The following MS4A13 variants were observed in gnomAD, a reference collection of about 807,000 sequenced individuals.
MS4A13 encodes membrane spanning 4-domains A13.
A neutral mutation model predicts 18.4 loss-of-function variants in MS4A13; 21 were observed. The ratio of observed to expected loss-of-function variants is 1.14; its 90% confidence interval spans 0.81 to 1.64. MS4A13 has a LOEUF of 1.64. Ranked by LOEUF, MS4A13 falls within the 40% of genes most tolerant of loss-of-function variation. The pLI is 0.00. For synonymous variants in MS4A13, 62 were observed against 57.2 expected (o/e 1.08, Z -0.38); for missense variants, 173 against 176.8 (o/e 0.98, Z 0.12).
chr11:60,526,327 T>C (rs1326418772), intron 5 of MS4A13, among the ~76,000 whole-genome samples: 2 of 152,210 alleles, frequency 1.3e-5, no homozygotes, highest in East Asian at 1.9e-4. Flanking sequence ...TTAGTTCTAA[T>C]TTTGAGGGCA....
At chr11:60,523,362 A>G (rs1227568790) in intron 3 of MS4A13, among the ~76,000 whole-genome samples, 6 of 152,208 alleles carry the variant, frequency 3.9e-5, no homozygotes, top group Non-Finnish European at 8.8e-5. Flanking sequence ...ACATGAAATA[A>G]TGGAACCTCT....
intron 5 of MS4A13, among the ~76,000 whole-genome samples, chr11:60,529,058 GA>G (rs1020440533): frequency 3.9e-5 from 6 of 152,150 alleles, no homozygotes; most frequent in African/African-American, 1.4e-4. Context: ...GGAGAGTTTA[GA>G]TAGTGAGCTG....
rs10667098 is a variant in MS4A13 at position 60,529,255 on chromosome 11, CTT to C, written c.307-91_307-90del. On this transcript the variant is annotated intron_variant, in intron 5 of 6. Transcript: ENST00000378186. ...GGTTTATCTGTTCTTATTTTCCTTC[CTT>C]TTTTTTTTTTTTTTTTTTGACTCTC... 7.9e-3 allele frequency: 1,358 copies of C among 171,932 alleles called. 1 individual carries two copies. Among genetic ancestry groups the C allele is most frequent in the Middle Eastern group, 0.041 (18 of 434 alleles). The allele number at this position is 171,932 out of a possible 1,614,324, so 10.7% of individuals were successfully genotyped here.
chr11:60,523,599 C>G (rs1334073647), intron 3 of MS4A13, among the ~76,000 whole-genome samples: 4 of 152,162 alleles, frequency 2.6e-5, no homozygotes, highest in Admixed American at 2.6e-4. Flanking sequence ...TGATGTATCT[C>G]ATACACATAA....
At chr11:60,521,853 A>C (rs2086676056) in intron 3 of MS4A13, among the ~76,000 whole-genome samples, 1 of 152,202 alleles carries the variant, frequency 6.6e-6, no homozygotes, top group Non-Finnish European at 1.5e-5. Context: ...TAATAAAGAC[A>C]TACCTGAGAC....
intron 3 of MS4A13, among the ~76,000 whole-genome samples, chr11:60,518,975 T>C (rs2086656165): frequency 6.6e-6 from 1 of 152,216 alleles, no homozygotes; most frequent in Non-Finnish European, 1.5e-5. Context: ...TATTAGTTTC[T>C]GTGAGTTGAA....
At chr11:60,539,107 G>T (rs1230382349) in intron 6 of MS4A13, among the ~76,000 whole-genome samples, 1 of 143,192 alleles carries the variant, frequency 7.0e-6, no homozygotes, top group Non-Finnish European at 1.5e-5. Flanking sequence ...TTTCAGTCTT[G>T]GGAGACCCTA....
intron 5 of MS4A13, among the ~76,000 whole-genome samples, chr11:60,527,406 C>CTGTGTGTGTGTG (rs1408422219): frequency 3.0e-3 from 137 of 46,020 alleles, no homozygotes; most frequent in African/African-American, 3.7e-3. Flanking sequence ...CTCTCTCTCT[C>CTGTGTGTGTGTG]TCTCTGTGTG....
rs542663928 is a variant in MS4A13, at chr11:60,529,251, C to G, written c.307-114C>G. 60 of 431,838 alleles carry G rather than the reference C, an allele frequency of 1.4e-4. No individual in the cohort carries two copies. In the African/African-American group the frequency reaches 1.5e-3, roughly 11 times the overall value. 26.8% of individuals were successfully genotyped at this position (431,838 alleles called of 1,614,324 possible). A position where few individuals can be genotyped will look rare whatever the true frequency, so the allele number is the denominator to read the frequency against. Reference sequence around the variant, plus strand: ...GAAAGGTTTATCTGTTCTTATTTTCCTTCCTTTTTTTTTTTTTTTTTTTTG... The same window carrying G: ...GAAAGGTTTATCTGTTCTTATTTTCGTTCCTTTTTTTTTTTTTTTTTTTTG... On this transcript the variant is annotated intron_variant, in intron 5 of 6. Coordinates refer to ENST00000378186, the MANE Select transcript of MS4A13 (RefSeq NM_001012417.3).
At chr11:60,523,208 A>G (rs914813568) in intron 3 of MS4A13, among the ~76,000 whole-genome samples, 1 of 152,196 alleles carries the variant, frequency 6.6e-6, no homozygotes, top group Non-Finnish European at 1.5e-5. Flanking sequence ...CATATAGTGT[A>G]TAGCATGACA....
At chr11:60,532,363 G>A (rs2086776102) in intron 6 of MS4A13, among the ~76,000 whole-genome samples, 1 of 152,218 alleles carries the variant, frequency 6.6e-6, no homozygotes, top group Admixed American at 6.5e-5. Context: ...CACCTGGGAA[G>A]CTCAAGGGGT....
intron 5 of MS4A13, among the ~76,000 whole-genome samples, chr11:60,527,978 A>G (rs1459430346): frequency 6.6e-6 from 1 of 152,236 alleles, no homozygotes; most frequent in Non-Finnish European, 1.5e-5. Context: ...ACAAAAGTAA[A>G]TCAAAATTAT....
chr11:60,538,267 G>A lies in MS4A13; in HGVS notation c.403-4252G>A, dbSNP rs185818033. ...AATACCAGAGGCTGGGGGCCGATGG[G>A]GCATAGATGAGGCAAAAAGGTGTTG... On this transcript the variant is annotated intron_variant, in intron 6 of 6. Transcript: ENST00000378186. 3.1e-3 allele frequency among the ~76,000 whole-genome samples: 467 copies of A among 151,748 alleles called. 3 individuals carry two copies. The highest frequency in any genetic ancestry group is 0.016 in the South Asian group (77 of 4,772).
At chr11:60,533,399 A>T (rs929516738) in intron 6 of MS4A13, among the ~76,000 whole-genome samples, 1 of 120,018 alleles carries the variant, frequency 8.3e-6, no homozygotes, top group Non-Finnish European at 1.7e-5. Context: ...AGCCGATGCA[A>T]TCAACTGGAA....
intron 3 of MS4A13, among the ~76,000 whole-genome samples, chr11:60,521,815 T>G (rs773869662): frequency 3.9e-5 from 6 of 152,176 alleles, no homozygotes; most frequent in African/African-American, 4.8e-5. Context: ...TGGTGCCAAT[T>G]TATTGTAATA....
chr11:60,520,631 T>C (rs1261481458), intron 3 of MS4A13, among the ~76,000 whole-genome samples: 3 of 152,234 alleles, frequency 2.0e-5, no homozygotes, highest in African/African-American at 7.2e-5. Flanking sequence ...AGAGGTGGGC[T>C]CCCATGGCCT....
intron 6 of MS4A13, among the ~76,000 whole-genome samples, chr11:60,532,356 C>T (rs564661254): frequency 3.3e-5 from 5 of 152,316 alleles, no homozygotes; most frequent in South Asian, 4.1e-4. Flanking sequence ...ATTGCCTCAC[C>T]TGGGAAGCTC....
In MS4A13 at chr11:60,518,140, A is replaced by T; in HGVS notation, c.57A>T (p.Gly19=). 1 of 1,611,520 alleles carries T rather than the reference A, an allele frequency of 6.2e-7. No homozygotes were observed. Among genetic ancestry groups the T allele is most frequent in the Non-Finnish European group, 8.5e-7 (1 of 1,178,150 alleles). The change falls in exon 3 of 7, where the codon GGA becomes GGT. Residue 19 remains glycine, a synonymous_variant. Coordinates refer to ENST00000378186, the MANE Select transcript of MS4A13 (RefSeq NM_001012417.3). ...ACTTTCTATTGGTTTTGTATATGGGACAAATTAAAGGAGCCTTTGGAACGT... is the reference window on the plus strand; with the variant it reads ...ACTTTCTATTGGTTTTGTATATGGGTCAAATTAAAGGAGCCTTTGGAACGT... ...MWYFLLVLYM[G]QIKGAFGTYE... is the part of the protein sequence containing the mutation.
intron 3 of MS4A13, among the ~76,000 whole-genome samples, chr11:60,520,656 C>T (rs1357397876): frequency 6.6e-6 from 1 of 152,224 alleles, no homozygotes; most frequent in Non-Finnish European, 1.5e-5. Context: ...CTGCTCTACC[C>T]CTGTGGCTTC....
Sources: gnomAD v4.1 joint callset for allele counts (sites outside exome capture counted in the v4.1 genomes callset) on GRCh38, gnomAD v4.1.1 for gene constraint, MANE v1.5 for transcripts, NCBI Gene and HGNC (gene_info 2026-07-23, HGNC 2026-07-21) for gene names.